LRRC8D: variants seen among roughly 807,000 people sequenced by gnomAD.
The protein encoded by LRRC8D is volume-regulated anion channel subunit LRRC8D.
A neutral mutation model predicts 55.8 loss-of-function variants in LRRC8D; 20 were observed. That is an observed-to-expected ratio of 0.36 (90% confidence interval 0.25 to 0.52). The LOEUF (loss-of-function observed/expected upper bound fraction) is 0.52, where lower values mean the gene tolerates loss of function less well. Ranked by LOEUF, LRRC8D falls within the 20% of genes least tolerant of loss-of-function variation. The pLI is 0.93. For missense variants in LRRC8D, 651 were observed against 1,030.8 expected (o/e 0.63, Z 5.05); for synonymous variants, 352 against 377.0 (o/e 0.93, Z 0.77).
At chr1:89,860,772 AAAAAAAAAAAAAAATATATATAT>A (rs1348836602) in intron 2 of LRRC8D, among the ~76,000 whole-genome samples, 2 of 82,654 alleles carry the variant, frequency 2.4e-5, no homozygotes, top group Non-Finnish European at 5.3e-5. Flanking sequence ...AAAAAAAAAA[AAAAAAAAAAAAAAATATATATAT>A]ATATATATAT....
intron 1 of LRRC8D, among the ~76,000 whole-genome samples, chr1:89,842,748 T>C (rs1270067191): frequency 6.6e-6 from 1 of 152,206 alleles, no homozygotes; most frequent in Non-Finnish European, 1.5e-5. Flanking sequence ...TTTAACACTG[T>C]ACTGAAGTCC....
intron 2 of LRRC8D, among the ~76,000 whole-genome samples, chr1:89,847,962 T>C (rs1462370880): frequency 6.6e-6 from 1 of 152,174 alleles, no homozygotes; most frequent in Non-Finnish European, 1.5e-5. Context: ...AGGTTGGGAA[T>C]TGAGGCCAAA....
At chr1:89,837,298 A>G (rs1454993119) in intron 1 of LRRC8D, among the ~76,000 whole-genome samples, 1 of 152,154 alleles carries the variant, frequency 6.6e-6, no homozygotes, top group East Asian at 1.9e-4. Flanking sequence ...CTGACTTCCT[A>G]AAGCTTTCAG....
intron 2 of LRRC8D, among the ~76,000 whole-genome samples, chr1:89,908,396 A>G (rs749434683): frequency 6.6e-6 from 1 of 152,230 alleles, no homozygotes; most frequent in Admixed American, 6.5e-5. Flanking sequence ...CAAATGGATG[A>G]AAGAAGACTA....
rs1314959112 is a variant in LRRC8D at position 89,903,389 on chromosome 1, A to G, written c.-2-29678A>G. On this transcript the variant is annotated intron_variant, in intron 2 of 2. Transcript: ENST00000337338. ...GGTTATATCTCTTCTCTGTAACGGC[A>G]TCTTTTCAATTCTCTTCATCACTTT... Among the ~76,000 whole-genome samples the G allele has an allele frequency of 2.0e-5, 3 of 152,192 alleles. No individual in the cohort carries two copies. In the East Asian group the frequency reaches 5.8e-4, roughly 29 times the overall value.
chr1:89,870,965 G>T (rs562482118), intron 2 of LRRC8D, among the ~76,000 whole-genome samples: 239 of 152,352 alleles, frequency 1.6e-3, no homozygotes, highest in Non-Finnish European at 2.2e-3. Flanking sequence ...CCTAGACATA[G>T]AATTCAACTT....
At chr1:89,854,771 C>T (rs547252811) in intron 2 of LRRC8D, among the ~76,000 whole-genome samples, 2 of 152,234 alleles carry the variant, frequency 1.3e-5, no homozygotes, top group East Asian at 3.9e-4. Context: ...ATCCCAGAGC[C>T]TTTGGGAAGT....
At chr1:89,879,082 C>CCCTGCTCTGTA (rs1457348319) in intron 2 of LRRC8D, among the ~76,000 whole-genome samples, 1 of 152,176 alleles carries the variant, frequency 6.6e-6, no homozygotes, top group Non-Finnish European at 1.5e-5. Flanking sequence ...CCGTGCACCC[C>CCCTGCTCTGTA]CCTGCTCTGT....
chr1:89,823,145 A>G (rs1037316974), intron 1 of LRRC8D, among the ~76,000 whole-genome samples: 2 of 152,214 alleles, frequency 1.3e-5, no homozygotes, highest in Non-Finnish European at 2.9e-5. Flanking sequence ...GTGCGTGTTG[A>G]TTAAAACCTA....
intron 2 of LRRC8D, among the ~76,000 whole-genome samples, chr1:89,902,556 A>G (rs915030934): frequency 3.4e-5 from 5 of 147,100 alleles, no homozygotes; most frequent in Admixed American, 2.7e-4. Flanking sequence ...TTTTTTTTTG[A>G]GACTGAGTCT....
At chr1:89,890,056 G>A (rs1481789877) in intron 2 of LRRC8D, among the ~76,000 whole-genome samples, 6 of 152,196 alleles carry the variant, frequency 3.9e-5, no homozygotes, top group East Asian at 1.9e-4. Flanking sequence ...GCGTGTTGGC[G>A]GGCGCCTGTA....
At chr1:89,907,322 C>G (rs1271933858) in intron 2 of LRRC8D, among the ~76,000 whole-genome samples, 1 of 150,922 alleles carries the variant, frequency 6.6e-6, no homozygotes, top group Non-Finnish European at 1.5e-5. Context: ...TCCTGAGTAG[C>G]TGGGATTACA....
At chr1:89,829,033 G>T (rs376473892) in intron 1 of LRRC8D, among the ~76,000 whole-genome samples, 3 of 152,152 alleles carry the variant, frequency 2.0e-5, no homozygotes, top group African/African-American at 7.2e-5. Flanking sequence ...ATTAGATGCC[G>T]TCAGTCAAAA....
chr1:89,852,938 C>A (rs1399681095), intron 2 of LRRC8D, among the ~76,000 whole-genome samples: 1 of 152,180 alleles, frequency 6.6e-6, no homozygotes, highest in Non-Finnish European at 1.5e-5. Flanking sequence ...CCATGCATTT[C>A]ATTTCTGAAA....
chr1:89,824,552 G>A (rs1226778576), intron 1 of LRRC8D, among the ~76,000 whole-genome samples: 1 of 152,062 alleles, frequency 6.6e-6, no homozygotes, highest in Non-Finnish European at 1.5e-5. Flanking sequence ...TTACACCTTT[G>A]GACTGTTTGT....
intron 2 of LRRC8D, among the ~76,000 whole-genome samples, chr1:89,872,910 A>C (rs1662057148): frequency 6.6e-6 from 1 of 152,208 alleles, no homozygotes; most frequent in Admixed American, 6.5e-5. Context: ...CATGTTTAGG[A>C]TAGGATTAAT....
At chr1:89,878,069 G>A (rs924402646) in intron 2 of LRRC8D, among the ~76,000 whole-genome samples, 1 of 152,128 alleles carries the variant, frequency 6.6e-6, no homozygotes, top group Non-Finnish European at 1.5e-5. Flanking sequence ...TCAGAATCAT[G>A]TCACTATGGG....
intron 2 of LRRC8D, among the ~76,000 whole-genome samples, chr1:89,871,655 C>T (rs1048006836): frequency 6.6e-6 from 1 of 152,080 alleles, no homozygotes; most frequent in African/African-American, 2.4e-5. Context: ...TAACAAAATA[C>T]CTTAACTGTC....
intron 2 of LRRC8D, among the ~76,000 whole-genome samples, chr1:89,851,178 C>T (rs1277158834): frequency 6.6e-6 from 1 of 151,948 alleles, no homozygotes; most frequent in Non-Finnish European, 1.5e-5. Flanking sequence ...GCTTGTCCTC[C>T]TCTGTTGCTC....
Sources: allele counts gnomAD v4.1 joint callset (sites outside exome capture counted in the v4.1 genomes callset), GRCh38; gene constraint gnomAD v4.1.1; transcripts MANE v1.5; gene names NCBI Gene and HGNC (gene_info 2026-07-23, HGNC 2026-07-21).